The following DDR1 variants were observed in gnomAD, a reference collection of about 807,000 sequenced individuals.
DDR1 encodes the protein discoidin domain receptor tyrosine kinase 1.
Under a neutral mutation model 97.4 loss-of-function variants are expected in DDR1, and 64 were observed. That is an observed-to-expected ratio of 0.66 (90% CI 0.54 to 0.81). The LOEUF (loss-of-function observed/expected upper bound fraction) is 0.81, where lower values mean the gene tolerates loss of function less well. Among genes scored for constraint, DDR1 ranks in the 30% least tolerant of loss-of-function variants. The pLI, the probability that DDR1 is intolerant of heterozygous loss-of-function variation, is 0.00. For missense variants in DDR1, 990 were observed against 1,259.6 expected, an observed-to-expected ratio of 0.79 and a Z score of 3.24; for synonymous variants, 458 against 503.7, an observed-to-expected ratio of 0.91 and a Z score of 1.21.
intron 11 of DDR1, 62 bp from the exon 12 acceptor site, chr6:30,895,342 C>T: frequency 1.5e-6 from 2 of 1,295,414 alleles, no homozygotes; most frequent in Non-Finnish European, 2.2e-6. Flanking sequence ...CAAGGTCTCC[C>T]TGTCTGTCTA....
Position 30,891,431 on chromosome 6 carries a change from A to G in DDR1, c.617A>G (p.Glu206Gly). 6.2e-7 allele frequency: 1 copy of G among 1,611,386 alleles called. No individual in the cohort carries two copies. The highest frequency in any genetic ancestry group is 8.5e-7 in the Non-Finnish European group (1 of 1,179,202). Residue 206 changes from glutamate to glycine, a missense_variant, in exon 6 of 18, where the codon GAG (glutamate) becomes GGG (glycine). Physicochemically the swap from Glu to Gly is moderately conservative, Grantham distance 98. Coordinates refer to ENST00000376568, the MANE Select transcript of DDR1 (RefSeq NM_001297654.2). This position sits in a 1 kb window ranked among gnomAD's most constrained non-coding sequence, Gnocchi z 5.3. ...APVGQTMYLS[E>G]AVYLNDSTYD... The stretch of plus-strand genomic sequence containing the variant: ...GTGGGGCAGACAATGTATTTATCTG[A>G]GGCCGTGTACCTCAACGACTCCACC...
At chr6:30,893,463 C>T (rs560023700) in intron 10 of DDR1, 40 bp downstream of exon 10, 1 of 1,572,886 alleles carries the variant, frequency 6.4e-7, no homozygotes, top group Non-Finnish European at 8.6e-7. Flanking sequence ...GGGGGGAGGC[C>T]AGGCCCCAGC....
In DDR1 at chr6:30,886,241, G is replaced by C. The variant is rs1785802965; in HGVS notation, c.-43+1531G>C. 6.6e-6 allele frequency among the ~76,000 whole-genome samples: 1 copy of C among 152,112 alleles called. No individual in the cohort carries two copies. Among genetic ancestry groups the C allele is most frequent in the African/African-American group, 2.4e-5 (1 of 41,408 alleles). The stretch of plus-strand genomic sequence containing the variant: ...TCTGCCCCGGGCTCCTCTCGGCTCT[G>C]TGTGGCTCTGATGACTCATCTGGGA... On this transcript the variant is annotated intron_variant, in intron 1 of 17. Transcript: ENST00000376568. This position sits in a 1 kb window ranked among gnomAD's most constrained non-coding sequence, Gnocchi z 4.6.
In DDR1 at chr6:30,897,468, C is replaced by T; in HGVS notation, c.2087C>T (p.Pro696Leu). The part of the protein sequence containing the change: ...RLLGVCVQDD[P>L]LCMITDYMEN... ...CTGGGCGTGTGTGTGCAGGACGACC[C>T]CCTCTGCATGATTACTGACTACATG... The change falls in exon 15 of 18, where the codon CCC (proline) becomes CTC (leucine). Residue 696 changes from proline to leucine, a missense_variant. Physicochemically the swap from Pro to Leu is moderately conservative, Grantham distance 98 (BLOSUM62 -3). Coordinates refer to ENST00000376568, the MANE Select transcript of DDR1 (RefSeq NM_001297654.2). This position sits in a 1 kb window ranked among gnomAD's most constrained non-coding sequence, Gnocchi z 5.2. The T allele has an allele frequency of 1.9e-6, 3 of 1,614,138 alleles. No homozygotes were observed. The highest frequency in any genetic ancestry group is 2.5e-6 in the Non-Finnish European group (3 of 1,180,014).
chr6:30,892,769 C>T (rs1789023321), intron 8 of DDR1: 2 of 599,636 alleles, frequency 3.3e-6, no homozygotes, highest in Non-Finnish European at 2.8e-6. Context: ...ATTATTGAGC[C>T]AGTATGACAG....
chr6:30,885,131 C>A, intron 1 of DDR1: 1 of 1,451,150 alleles, frequency 6.9e-7, no homozygotes, highest in Non-Finnish European at 9.3e-7. Context: ...AGTCTGGTCA[C>A]AGTCCAGCAA....
intron 10 of DDR1, among the ~76,000 whole-genome samples, chr6:30,893,924 C>T (rs1789636375): frequency 6.6e-6 from 1 of 152,182 alleles, no homozygotes; most frequent in Non-Finnish European, 1.5e-5. Context: ...CAAGCCACGT[C>T]TTCCGGCTGG....
intron 11 of DDR1, 99 bp from the exon 12 acceptor site, chr6:30,895,305 T>C (rs1307391439): frequency 3.8e-6 from 3 of 793,816 alleles, no homozygotes; most frequent in Non-Finnish European, 6.1e-6. Context: ...AATGCAATCA[T>C]CCCATCAGCC....
rs1055244824 is a variant in DDR1, at chr6:30,897,654, C to T, written c.2216+57C>T. On this transcript the variant is annotated intron_variant, in intron 15 of 17. Coordinates refer to ENST00000376568, the MANE Select transcript of DDR1 (RefSeq NM_001297654.2). This position sits in a 1 kb window ranked among gnomAD's most constrained non-coding sequence, Gnocchi z 5.2. ...GAATTCCCCCAGGGGATCTCCTCCT[C>T]TCCCCTCGCTTCAGCCTGGAGGAAA... 16 of 1,407,616 alleles carry T rather than the reference C, an allele frequency of 1.1e-5. No homozygotes were observed. In the African/African-American group the frequency reaches 2.1e-4, roughly 19 times the overall value. 87.2% of individuals were successfully genotyped at this position (1,407,616 alleles called of 1,614,324 possible).
chr6:30,885,189 CTGGA>C (rs2150228500), intron 1 of DDR1: 8 of 1,531,862 alleles, frequency 5.2e-6, no homozygotes, highest in Admixed American at 2.0e-5. Context: ...CTCTTCCCGG[CTGGA>C]TGGTCAATTA....
Position 30,891,175 on chromosome 6 carries a change from G to A in DDR1, c.565+55G>A. Reference sequence around the variant, plus strand: ...TTCCTGAGCAGGGGACTGGAGGGTGGGGAGTGTGGAGAATGGGCATCCAGG... The same window carrying A: ...TTCCTGAGCAGGGGACTGGAGGGTGAGGAGTGTGGAGAATGGGCATCCAGG... On this transcript the variant is annotated intron_variant, in intron 5 of 17. Transcript: ENST00000376568. This position sits in a 1 kb window ranked among gnomAD's most constrained non-coding sequence, Gnocchi z 5.3. The A allele has an allele frequency of 6.2e-7, 1 of 1,605,112 alleles. No individual in the cohort carries two copies. The highest frequency in any genetic ancestry group is 8.5e-7 in the Non-Finnish European group (1 of 1,176,554).
Position 30,895,461 on chromosome 6 carries a change from C to G in DDR1, c.1571C>G (p.Pro524Arg). The change falls in exon 12 of 18, where the codon CCT becomes CGT. Residue 524 changes from proline to arginine, a missense_variant. Physicochemically the swap from Pro to Arg is moderately radical, Grantham distance 103. Transcript: ENST00000376568. ...CTTCTGGCCACTTACGCCCGTCCCC[C>G]TCGAGGCCCGGGCCCCCCCACACCC... The part of the protein sequence containing the change: ...RLLLATYARP[P>R]RGPGPPTPAW... 1 of 1,608,488 alleles carries G rather than the reference C, an allele frequency of 6.2e-7. No homozygotes were observed. Among genetic ancestry groups the G allele is most frequent in the South Asian group, 1.1e-5 (1 of 90,518 alleles).
intron 13 of DDR1, 41 bp downstream of exon 13, chr6:30,896,906 C>T: frequency 6.4e-7 from 1 of 1,562,052 alleles, no homozygotes; most frequent in South Asian, 1.2e-5. Context: ...CTATTGTGTG[C>T]TCTGATGCCA....
chr6:30,893,475 C>A, intron 10 of DDR1, 52 bp downstream of exon 10: 1 of 1,555,810 alleles, frequency 6.4e-7, no homozygotes, highest in South Asian at 1.2e-5. Flanking sequence ...GGCCCCAGCA[C>A]GAGCCAGCGT....
intron 1 of DDR1, among the ~76,000 whole-genome samples, chr6:30,887,747 ATCT>A (rs370950742): frequency 1.1e-3 from 163 of 152,250 alleles, no homozygotes; most frequent in East Asian, 3.9e-3. Context: ...CATCTTTGAA[ATCT>A]TCTTTTTTAT....
rs1232432286 is a variant in DDR1, at chr6:30,886,908, A to C, written c.-42-1780A>C. ...TTTGTAAGGAGATGCCATTTAGAAT[A>C]GTTTTATGTGGGGTAAGCTTCCTGG... On this transcript the variant is annotated intron_variant, in intron 1 of 17. Transcript: ENST00000376568. This position sits in a 1 kb window ranked among gnomAD's most constrained non-coding sequence, Gnocchi z 4.6. 1 of 152,240 alleles carries C rather than the reference A, an allele frequency of 6.6e-6. No individual in the cohort carries two copies. The highest frequency in any genetic ancestry group is 2.1e-4 in the South Asian group (1 of 4,826). 9.4% of individuals were successfully genotyped at this position (152,240 alleles called of 1,614,324 possible). A position where few individuals can be genotyped will look rare whatever the true frequency, so the allele number is the denominator to read the frequency against.
rs1044721308 is a variant in DDR1, at chr6:30,899,398, A to G, written c.*102A>G. ...GCACCTCTGCCCTTCCCCTCCCGAC[A>G]GCCCATCACCTCTAATAGAGGCAGT... On this transcript the variant is annotated 3_prime_UTR_variant, in exon 18 of 18. Coordinates refer to ENST00000376568, the MANE Select transcript of DDR1 (RefSeq NM_001297654.2). The G allele has an allele frequency of 4.4e-5, 63 of 1,447,864 alleles. No homozygotes were observed. In the African/African-American group the frequency reaches 8.4e-4, roughly 19 times the overall value. 89.7% of individuals were successfully genotyped at this position (1,447,864 alleles called of 1,614,324 possible).
chr6:30,898,849 A>C (rs373832326), intron 16 of DDR1, 39 bp from the exon 17 acceptor site: 191 of 1,583,782 alleles, frequency 1.2e-4, no homozygotes, highest in Non-Finnish European at 1.6e-4. Flanking sequence ...ACGTTGCCTG[A>C]TGTCCCTGTC....
At chr6:30,898,736 G>T in intron 16 of DDR1, 152 bp from the exon 17 acceptor site, 1 of 799,928 alleles carries the variant, frequency 1.3e-6, no homozygotes. Context: ...AGTTGGAAAA[G>T]GTGGCCAGCG....
Sources: allele counts gnomAD v4.1 joint callset (sites outside exome capture counted in the v4.1 genomes callset), GRCh38; gene constraint gnomAD v4.1.1; non-coding constraint Gnocchi (gnomAD v3.1); transcripts MANE v1.5; gene names NCBI Gene and HGNC (gene_info 2026-07-23, HGNC 2026-07-21).